Variants in DST observed in about 807,000 individuals in gnomAD.
DST encodes the protein dystonin.
A neutral mutation model predicts 875.2 loss-of-function variants in DST; 253 were observed. The ratio of observed to expected loss-of-function variants is 0.29; its 90% confidence interval spans 0.26 to 0.32. The LOEUF (loss-of-function observed/expected upper bound fraction) is 0.32. Ranked by LOEUF, DST falls within the 10% of genes least tolerant of loss-of-function variation. The pLI is 1.00. For synonymous variants in DST, 3,124 were observed against 3,197.1 expected (o/e 0.98, Z 0.77); for missense variants, 8,287 against 9,111.6 (o/e 0.91, Z 3.68).
At chr6:56,934,185 G>A (rs1811657526) in intron 2 of DST, among the ~76,000 whole-genome samples, 1 of 151,886 alleles carries the variant, frequency 6.6e-6, no homozygotes, top group Admixed American at 6.6e-5. Flanking sequence ...GCCTTCACCA[G>A]GTGACTGCAA....
intron 4 of DST, among the ~76,000 whole-genome samples, chr6:56,816,204 AT>A (rs1444341520): frequency 2.0e-5 from 3 of 152,144 alleles, no homozygotes; most frequent in African/African-American, 7.2e-5. Flanking sequence ...TTCCAATTTT[AT>A]ATCCCCCTTT....
intron 4 of DST, among the ~76,000 whole-genome samples, chr6:56,762,844 CTTTTTT>C (rs869153143): frequency 8.9e-6 from 1 of 111,898 alleles, no homozygotes; most frequent in Non-Finnish European, 1.8e-5. Context: ...AGAACACCAC[CTTTTTT>C]TTTTTTTTTT....
chr6:56,705,991 A>T (rs1335558766), intron 5 of DST, among the ~76,000 whole-genome samples: 1 of 152,216 alleles, frequency 6.6e-6, no homozygotes, highest in Admixed American at 6.5e-5. Flanking sequence ...GTTATAACAC[A>T]TTTTGAGCAA....
chr6:56,468,578 TC>T (rs1458773290), intron 98 of DST, among the ~76,000 whole-genome samples: 3 of 152,154 alleles, frequency 2.0e-5, no homozygotes, highest in African/African-American at 7.2e-5. Flanking sequence ...CTGATCCTTC[TC>T]AGCTACTGTA....
At chr6:56,537,617 G>A (rs1368922460) in intron 61 of DST, among the ~76,000 whole-genome samples, 1 of 152,186 alleles carries the variant, frequency 6.6e-6, no homozygotes, top group African/African-American at 2.4e-5. Flanking sequence ...CTCACCCCAT[G>A]GATCTGATCA....
At position 56,528,826 on chromosome 6, in the gene DST, T is replaced by G; in HGVS notation, c.17680+15A>C. 1 of 1,493,038 alleles carries G rather than the reference T, an allele frequency of 6.7e-7. No homozygotes were observed. 92.5% of individuals were successfully genotyped at this position (1,493,038 alleles called of 1,614,324 possible). A position where few individuals can be genotyped will look rare whatever the true frequency, so the allele number is the denominator to read the frequency against. Reference sequence around the variant, plus strand: ...ATGCTGACCACATGATGATTTGATTTGAAAGATATCTCACCTGTGGTTTGT... The same window carrying G: ...ATGCTGACCACATGATGATTTGATTGGAAAGATATCTCACCTGTGGTTTGT... On this transcript the variant is annotated intron_variant, in intron 67 of 103. Coordinates refer to ENST00000680361, the MANE Select transcript of DST (RefSeq NM_001374736.1).
intron 4 of DST, among the ~76,000 whole-genome samples, chr6:56,826,597 A>G (rs1474818802): frequency 3.3e-5 from 5 of 152,234 alleles, no homozygotes; most frequent in Non-Finnish European, 1.5e-5. Flanking sequence ...CCAAACACAT[A>G]ATCATGTGCC....
chr6:56,738,923 C>T (rs1035607077), intron 4 of DST, among the ~76,000 whole-genome samples: 16 of 151,838 alleles, frequency 1.1e-4, no homozygotes, highest in African/African-American at 3.6e-4. Flanking sequence ...GTGTCTGACC[C>T]TAAAATTATT....
At chr6:56,864,240 C>A (rs1248586470) in intron 3 of DST, among the ~76,000 whole-genome samples, 1 of 152,186 alleles carries the variant, frequency 6.6e-6, no homozygotes, top group Non-Finnish European at 1.5e-5. Context: ...TCAGCTCTTT[C>A]CTGAATTTCT....
chr6:56,706,066 T>C (rs2099332344), intron 5 of DST, among the ~76,000 whole-genome samples: 2 of 152,144 alleles, frequency 1.3e-5, no homozygotes. Context: ...TTCCAGCACT[T>C]TGGGAGGCCA....
intron 4 of DST, among the ~76,000 whole-genome samples, chr6:56,743,467 G>A (rs1377151141): frequency 6.6e-6 from 1 of 152,158 alleles, no homozygotes; most frequent in Non-Finnish European, 1.5e-5. Context: ...TATCTGCTTA[G>A]TAAATAGCCC....
chr6:56,636,093 A>C (rs1408555757), intron 23 of DST, among the ~76,000 whole-genome samples: 1 of 152,102 alleles, frequency 6.6e-6, no homozygotes, highest in Non-Finnish European at 1.5e-5. Flanking sequence ...ACAGTTCCTA[A>C]ATAAGAGACA....
At chr6:56,589,216 C>T (rs936288373) in intron 49 of DST, among the ~76,000 whole-genome samples, 4 of 152,154 alleles carry the variant, frequency 2.6e-5, no homozygotes, top group African/African-American at 4.8e-5. Context: ...GCCCTGACTA[C>T]CAGCTTAAAA....
intron 61 of DST, among the ~76,000 whole-genome samples, chr6:56,539,279 C>G (rs1000382062): frequency 3.9e-5 from 6 of 152,058 alleles, no homozygotes; most frequent in Non-Finnish European, 8.8e-5. Context: ...AAGATAACTA[C>G]TAAAGAGTAT....
chr6:56,910,874 C>T lies in DST; in HGVS notation c.217-10253G>A, dbSNP rs115356694. Among the ~76,000 whole-genome samples, 1,421 of 152,304 alleles carry T rather than the reference C, an allele frequency of 9.3e-3. 24 individuals are homozygous for T. The highest frequency in any genetic ancestry group is 0.032 in the African/African-American group (1,329 of 41,560). ...TATTATATCAACTGCTTATTAGTTC[C>T]TGCTGGTAAGAAGCACTGATTTAAA... On this transcript the variant is annotated intron_variant, in intron 2 of 103. Transcript: ENST00000680361.
At chr6:56,690,286 G>C (rs147880942) in intron 9 of DST, among the ~76,000 whole-genome samples, 1 of 152,102 alleles carries the variant, frequency 6.6e-6, no homozygotes, top group African/African-American at 2.4e-5. Context: ...CAAATGACGC[G>C]ATGTGTCTGA....
At position 56,609,183 on chromosome 6, in the gene DST, G is replaced by A; in HGVS notation, c.5445C>T (p.Cys1815=). Residue 1815 remains cysteine, a synonymous_variant, in exon 40 of 104, where the codon TGC becomes TGT. Coordinates refer to ENST00000680361, the MANE Select transcript of DST (RefSeq NM_001374736.1). ...GACTTTTGGCATCTTTAAGGTCAAAGCACTTTCTTAATTCTGGTGAAATTA... is the reference window on the plus strand; with the variant it reads ...GACTTTTGGCATCTTTAAGGTCAAAACACTTTCTTAATTCTGGTGAAATTA... ...SGLISPELRK[C]FDLKDAKSHG... The A allele has an allele frequency of 6.2e-7, 1 of 1,613,808 alleles. No homozygotes were observed. Among genetic ancestry groups the A allele is most frequent in the Non-Finnish European group, 8.5e-7 (1 of 1,179,768 alleles).
chr6:56,809,580 A>C (rs2099757357), intron 4 of DST, among the ~76,000 whole-genome samples: 1 of 152,206 alleles, frequency 6.6e-6, no homozygotes, highest in African/African-American at 2.4e-5. Context: ...TGAAAGAAAA[A>C]ATGTAAAGCA....
chr6:56,624,684 T>C (rs950145594), intron 35 of DST, 56 bp from the exon 36 acceptor site: 1 of 1,177,284 alleles, frequency 8.5e-7, no homozygotes, highest in African/African-American at 1.5e-5. Flanking sequence ...CTTACTAAGT[T>C]GAATGAATTT....
Sources: allele counts gnomAD v4.1 joint callset (sites outside exome capture counted in the v4.1 genomes callset), GRCh38; gene constraint gnomAD v4.1.1; transcripts MANE v1.5; gene names NCBI Gene and HGNC (gene_info 2026-07-23, HGNC 2026-07-21).